NXPH2: variants seen among roughly 807,000 people sequenced by gnomAD.
The protein encoded by NXPH2 is neurexophilin 2, also known as neurexophilin-2.
NXPH2 carries 5 observed loss-of-function variants against 19.8 expected under a neutral mutation model. The ratio of observed to expected loss-of-function variants is 0.25; its 90% CI spans 0.13 to 0.53. The LOEUF is 0.53. Ranked by LOEUF, NXPH2 falls within the 20% of genes least tolerant of loss-of-function variation. The probability of loss-of-function intolerance (pLI) is 0.96; values close to 1 mark genes in which losing one functional copy is unlikely to be tolerated. For synonymous variants in NXPH2, 154 were observed against 127.4 expected, an observed-to-expected ratio of 1.21 and a Z score of -1.41; for missense variants, 289 against 322.8, an observed-to-expected ratio of 0.90 and a Z score of 0.80.
chr2:138,758,609 G>A (rs1681951642), intron 1 of NXPH2, among the ~76,000 whole-genome samples: 1 of 152,120 alleles, frequency 6.6e-6, no homozygotes, highest in Non-Finnish European at 1.5e-5. Context: ...AACATACCCT[G>A]CTTAACCATC....
intron 1 of NXPH2, among the ~76,000 whole-genome samples, chr2:138,731,214 C>T (rs1434928275): frequency 6.6e-6 from 1 of 152,070 alleles, no homozygotes; most frequent in Non-Finnish European, 1.5e-5. Flanking sequence ...TCTATGTGCT[C>T]ATAATAAGAG....
At chr2:138,769,560 C>T in intron 1 of NXPH2, among the ~76,000 whole-genome samples, 1 of 152,164 alleles carries the variant, frequency 6.6e-6, no homozygotes, top group East Asian at 1.9e-4. Context: ...AAAAGTCAAG[C>T]ATGCTGAGCA....
chr2:138,681,342 C>T (rs184071952), intron 1 of NXPH2, among the ~76,000 whole-genome samples: 1 of 152,140 alleles, frequency 6.6e-6, no homozygotes, highest in Non-Finnish European at 1.5e-5. Context: ...GCAAAACAAC[C>T]TAATTTCCCC....
In NXPH2 at chr2:138,669,861, G is replaced by C. The variant is rs975088819; in HGVS notation, c.*1061C>G. Among the ~76,000 whole-genome samples the C allele has an allele frequency of 6.6e-6, 1 of 152,176 alleles. No individual in the cohort carries two copies. Among genetic ancestry groups the C allele is most frequent in the Admixed American group, 6.5e-5 (1 of 15,268 alleles). Reference sequence around the variant, plus strand: ...CTTGGTTGTCAGCACTTAATAATTAGAAATGTTTAAATATAACTCTCTATT... The same window carrying C: ...CTTGGTTGTCAGCACTTAATAATTACAAATGTTTAAATATAACTCTCTATT... On this transcript the variant is annotated 3_prime_UTR_variant, in exon 2 of 2. Coordinates refer to ENST00000272641, the MANE Select transcript of NXPH2 (RefSeq NM_007226.3).
At chr2:138,746,492 G>A (rs2105009286) in intron 1 of NXPH2, among the ~76,000 whole-genome samples, 1 of 152,278 alleles carries the variant, frequency 6.6e-6, no homozygotes, top group South Asian at 2.1e-4. Context: ...CTGACTTTAG[G>A]GTTAGTCTGT....
intron 1 of NXPH2, among the ~76,000 whole-genome samples, chr2:138,714,034 C>T (rs1681152546): frequency 6.6e-6 from 1 of 151,730 alleles, no homozygotes; most frequent in East Asian, 1.9e-4. Context: ...GCAAGAAGAG[C>T]TTCTTTCTTT....
intron 1 of NXPH2, among the ~76,000 whole-genome samples, chr2:138,675,069 AAT>A (rs541338982): frequency 1.2e-4 from 18 of 152,320 alleles, no homozygotes; most frequent in Middle Eastern, 3.4e-3. Flanking sequence ...TGCTTTTAAA[AAT>A]ATGTCTTGAT....
At position 138,678,955 on chromosome 2, in the gene NXPH2, T is replaced by C. The variant is rs1029365910; in HGVS notation, c.52-7290A>G. Among the ~76,000 whole-genome samples, 9 of 152,194 alleles carry C rather than the reference T, an allele frequency of 5.9e-5. No homozygotes were observed. In the South Asian group the frequency reaches 1.0e-3, roughly 18 times the overall value. On this transcript the variant is annotated intron_variant, in intron 1 of 1. Transcript: ENST00000272641. ...TCACTAAGGATGATTCTATATGTAG[T>C]GCTCTGGGTGGTGCAGGGACACAAA...
Position 138,731,363 on chromosome 2 carries a change from T to C in NXPH2, c.51+48828A>G, listed in dbSNP as rs546983642. On this transcript the variant is annotated intron_variant, in intron 1 of 1. Coordinates refer to ENST00000272641, the MANE Select transcript of NXPH2 (RefSeq NM_007226.3). ...ATTTAAGCAATACGCTTTTATTGTGTACCTGCTCTTGCCAGCTCTAATCTA... is the reference window on the plus strand; with the variant it reads ...ATTTAAGCAATACGCTTTTATTGTGCACCTGCTCTTGCCAGCTCTAATCTA... Among the ~76,000 whole-genome samples the C allele has an allele frequency of 3.2e-4, 49 of 152,294 alleles. 1 individual carries two copies. Among genetic ancestry groups the C allele is most frequent in the African/African-American group, 1.1e-3 (46 of 41,570 alleles).
At chr2:138,714,181 C>T (rs1194400111) in intron 1 of NXPH2, among the ~76,000 whole-genome samples, 2 of 152,126 alleles carry the variant, frequency 1.3e-5, no homozygotes, top group East Asian at 3.8e-4. Flanking sequence ...TCTAACTCTG[C>T]TTCTCTCTTG....
At chr2:138,756,969 T>C (rs970807177) in intron 1 of NXPH2, among the ~76,000 whole-genome samples, 1 of 152,200 alleles carries the variant, frequency 6.6e-6, no homozygotes, top group Admixed American at 6.5e-5. Context: ...ACACTGTCTT[T>C]TTTATTTTGT....
At chr2:138,745,048 C>T (rs188391341) in intron 1 of NXPH2, among the ~76,000 whole-genome samples, 23 of 152,302 alleles carry the variant, frequency 1.5e-4, no homozygotes, top group Admixed American at 5.2e-4. Context: ...GATGAAAACA[C>T]GACCTGATTT....
chr2:138,692,431 C>A (rs1170668472), intron 1 of NXPH2, among the ~76,000 whole-genome samples: 1 of 152,140 alleles, frequency 6.6e-6, no homozygotes, highest in African/African-American at 2.4e-5. Flanking sequence ...AAACAAGCCT[C>A]AAATGATAAG....
At chr2:138,689,451 G>A (rs978627456) in intron 1 of NXPH2, among the ~76,000 whole-genome samples, 3 of 152,136 alleles carry the variant, frequency 2.0e-5, no homozygotes, top group African/African-American at 7.2e-5. Flanking sequence ...CTACTGGGAG[G>A]AGTGTCCTCC....
chr2:138,693,347 T>C (rs978840515), intron 1 of NXPH2, among the ~76,000 whole-genome samples: 2 of 152,182 alleles, frequency 1.3e-5, no homozygotes, highest in Non-Finnish European at 2.9e-5. Context: ...CTAAGACTTA[T>C]GTTTAGGAGT....
At chr2:138,706,328 A>G (rs1455870166) in intron 1 of NXPH2, among the ~76,000 whole-genome samples, 1 of 152,236 alleles carries the variant, frequency 6.6e-6, no homozygotes, top group Non-Finnish European at 1.5e-5. Flanking sequence ...GCTGTAGTCT[A>G]TATTAAATGA....
At chr2:138,706,476 C>T (rs766610149) in intron 1 of NXPH2, among the ~76,000 whole-genome samples, 9 of 152,156 alleles carry the variant, frequency 5.9e-5, no homozygotes, top group Admixed American at 1.3e-4. Flanking sequence ...AGGATCTATC[C>T]AATTATTTTG....
chr2:138,719,881 T>G (rs1048877204), intron 1 of NXPH2, among the ~76,000 whole-genome samples: 1 of 152,228 alleles, frequency 6.6e-6, no homozygotes, highest in African/African-American at 2.4e-5. Context: ...CTTGGTTTGA[T>G]TCTATCCCAC....
chr2:138,727,679 G>C (rs1160911595), intron 1 of NXPH2, among the ~76,000 whole-genome samples: 1 of 74,166 alleles, frequency 1.3e-5, no homozygotes, highest in East Asian at 5.0e-4. Flanking sequence ...GGCGGGGGGG[G>C]TTCTTTTGCA....
Sources: gnomAD v4.1 joint callset for allele counts (sites outside exome capture counted in the v4.1 genomes callset) on GRCh38, gnomAD v4.1.1 for gene constraint, MANE v1.5 for transcripts, NCBI Gene and HGNC (gene_info 2026-07-23, HGNC 2026-07-21) for gene names.